NRG3: variants seen among roughly 807,000 people sequenced by gnomAD.
NRG3 encodes the protein pro-neuregulin-3, membrane-bound isoform.
A neutral mutation model predicts 66.9 loss-of-function variants in NRG3; 31 were observed. That is an observed-to-expected ratio of 0.46 (90% confidence interval 0.35 to 0.63). The LOEUF (loss-of-function observed/expected upper bound fraction) is 0.63. Ranked by LOEUF, NRG3 falls within the 20% of genes least tolerant of loss-of-function variation. The probability of loss-of-function intolerance (pLI) is 0.00; values close to 1 mark genes in which losing one functional copy is unlikely to be tolerated. For missense variants in NRG3, 910 were observed against 878.9 expected (o/e 1.04, Z -0.45); for synonymous variants, 393 against 359.4 (o/e 1.09, Z -1.06).
intron 2 of NRG3, among the ~76,000 whole-genome samples, chr10:82,470,415 C>A (rs370161840): frequency 1.3e-5 from 2 of 152,086 alleles, no homozygotes; most frequent in Non-Finnish European, 2.9e-5. Flanking sequence ...TAATATGAGA[C>A]GGAATGTGTA....
At chr10:82,776,569 A>T (rs969816525) in intron 3 of NRG3, among the ~76,000 whole-genome samples, 7 of 152,038 alleles carry the variant, frequency 4.6e-5, no homozygotes, top group Non-Finnish European at 8.8e-5. Flanking sequence ...CTGAATATTT[A>T]TTCACTTAAT....
chr10:82,179,797 T>C (rs1417888011), intron 1 of NRG3, among the ~76,000 whole-genome samples: 1 of 151,924 alleles, frequency 6.6e-6, no homozygotes, highest in Non-Finnish European at 1.5e-5. Flanking sequence ...TGGAAAGGAC[T>C]GCATTGAATC....
In NRG3 at chr10:82,218,775, G is replaced by C. The variant is rs752912088; in HGVS notation, c.824-139964G>C. Reference sequence around the variant, plus strand: ...CCTCCCATGATCTTGTCTATTTGTTGCTATTAATCTGACCTTAATAAAAGT... The same window carrying C: ...CCTCCCATGATCTTGTCTATTTGTTCCTATTAATCTGACCTTAATAAAAGT... On this transcript the variant is annotated intron_variant, in intron 1 of 8. Transcript: ENST00000372141. Among the ~76,000 whole-genome samples the C allele has an allele frequency of 5.9e-5, 9 of 152,104 alleles. No homozygotes were observed. In the Middle Eastern group the frequency reaches 0.01, roughly 172 times the overall value.
At chr10:82,193,591 A>T (rs1389858351) in intron 1 of NRG3, among the ~76,000 whole-genome samples, 1 of 152,190 alleles carries the variant, frequency 6.6e-6, no homozygotes, top group Non-Finnish European at 1.5e-5. Context: ...GTTCTGGTGG[A>T]GATGAAAAGA....
In NRG3 at chr10:82,785,782, G is replaced by A. The variant is rs569044643; in HGVS notation, c.1027+47132G>A. Among the ~76,000 whole-genome samples the A allele has an allele frequency of 2.0e-5, 3 of 152,270 alleles. No individual in the cohort carries two copies. In the South Asian group the frequency reaches 6.2e-4, roughly 32 times the overall value. On this transcript the variant is annotated intron_variant, in intron 3 of 8. Transcript: ENST00000372141. The stretch of plus-strand genomic sequence containing the variant: ...TTTGTAATTAAAAAGGAAACAGAAT[G>A]AAAAGATTTAGAAAACTCTCAGAGC...
chr10:82,762,078 G>A (rs1014413257), intron 3 of NRG3, among the ~76,000 whole-genome samples: 2 of 140,020 alleles, frequency 1.4e-5, no homozygotes, highest in African/African-American at 5.4e-5. Context: ...TTTTTTGATA[G>A]GACCTCACTC....
At chr10:82,069,737 T>G (rs945105834) in intron 1 of NRG3, among the ~76,000 whole-genome samples, 1 of 152,308 alleles carries the variant, frequency 6.6e-6, no homozygotes, top group African/African-American at 2.4e-5. Flanking sequence ...AATCATCTAA[T>G]AGTGATAGAT....
At chr10:82,943,158 C>T (rs1002234496) in intron 4 of NRG3, among the ~76,000 whole-genome samples, 13 of 152,094 alleles carry the variant, frequency 8.5e-5, no homozygotes, top group African/African-American at 2.9e-4. Context: ...AAGAAACTGG[C>T]GTTTTGTGCA....
At chr10:82,062,155 T>G (rs899940007) in intron 1 of NRG3, among the ~76,000 whole-genome samples, 1 of 152,094 alleles carries the variant, frequency 6.6e-6, no homozygotes, top group African/African-American at 2.4e-5. Context: ...AAAGCCCTGC[T>G]TGTATCTCTA....
chr10:81,963,669 T>G (rs2133301023), intron 1 of NRG3, among the ~76,000 whole-genome samples: 1 of 152,298 alleles, frequency 6.6e-6, no homozygotes, highest in Admixed American at 6.5e-5. Context: ...CCGCTTGGAC[T>G]GTTTTACACG....
intron 1 of NRG3, among the ~76,000 whole-genome samples, chr10:82,180,772 G>A (rs1047059332): frequency 6.6e-6 from 1 of 151,690 alleles, no homozygotes. Context: ...AGTTTGGAGG[G>A]GGCCCCTCAA....
At chr10:82,736,739 A>C (rs1162274152) in intron 2 of NRG3, among the ~76,000 whole-genome samples, 1 of 152,244 alleles carries the variant, frequency 6.6e-6, no homozygotes, top group Non-Finnish European at 1.5e-5. Context: ...TTTAAGTAAC[A>C]AAGAACACTT....
chr10:82,166,892 T>C, intron 1 of NRG3: 1 of 587,314 alleles, frequency 1.7e-6, no homozygotes, highest in East Asian at 3.0e-5. Context: ...GTAGTTTTTT[T>C]TTATTCCCTC....
intron 5 of NRG3, among the ~76,000 whole-genome samples, chr10:82,957,490 G>T (rs1309709156): frequency 6.6e-6 from 1 of 151,922 alleles, no homozygotes; most frequent in Non-Finnish European, 1.5e-5. Context: ...TCAAAATGGA[G>T]TCATTTGTGT....
At chr10:82,885,397 A>G (rs1842639685) in intron 4 of NRG3, among the ~76,000 whole-genome samples, 1 of 152,096 alleles carries the variant, frequency 6.6e-6, no homozygotes, top group Admixed American at 6.5e-5. Context: ...TATTATGCCC[A>G]ACATCTTAGG....
At chr10:81,999,659 T>C (rs1589734436) in intron 1 of NRG3, among the ~76,000 whole-genome samples, 1 of 152,302 alleles carries the variant, frequency 6.6e-6, no homozygotes, top group African/African-American at 2.4e-5. Context: ...TATGTGCTCA[T>C]AAGAAATCAA....
intron 2 of NRG3, among the ~76,000 whole-genome samples, chr10:82,530,980 G>A (rs115444669): frequency 6.6e-6 from 1 of 151,694 alleles, no homozygotes; most frequent in Non-Finnish European, 1.5e-5. Context: ...ACAAAGAAAG[G>A]TACTGTAAAT....
chr10:82,226,757 A>G (rs998806005), intron 1 of NRG3, among the ~76,000 whole-genome samples: 5 of 152,198 alleles, frequency 3.3e-5, no homozygotes, highest in African/African-American at 1.2e-4. Context: ...CAAATTGCTC[A>G]TGTAATTTGG....
Position 81,942,205 on chromosome 10 carries a change from A to G in NRG3, c.823+66042A>G, listed in dbSNP as rs554127908. Among the ~76,000 whole-genome samples the G allele has an allele frequency of 5.9e-5, 9 of 152,232 alleles. 1 individual carries two copies. The South Asian group carries it at 1.9e-3, about 32-fold the overall frequency. ...CAGAATTCAAATTTCTAGGGCAGAAAAGATGTTTGTGCTGTTTCCTCCACA... is the reference window on the plus strand; with the variant it reads ...CAGAATTCAAATTTCTAGGGCAGAAGAGATGTTTGTGCTGTTTCCTCCACA... On this transcript the variant is annotated intron_variant, in intron 1 of 8. Coordinates refer to ENST00000372141, the MANE Select transcript of NRG3 (RefSeq NM_001010848.4).
Sources: gnomAD v4.1 joint callset for allele counts (sites outside exome capture counted in the v4.1 genomes callset) on GRCh38, gnomAD v4.1.1 for gene constraint, MANE v1.5 for transcripts, NCBI Gene and HGNC (gene_info 2026-07-23, HGNC 2026-07-21) for gene names.